LTBP2: variants seen among roughly 807,000 people sequenced by gnomAD.
The protein encoded by LTBP2 is latent transforming growth factor beta binding protein 2.
Under a neutral mutation model 210.6 loss-of-function variants are expected in LTBP2, and 103 were observed. The observed-to-expected ratio is 0.49, with a 90% CI of 0.42 to 0.58. LTBP2 has a LOEUF of 0.58. Among genes scored for constraint, LTBP2 ranks in the 20% least tolerant of loss-of-function variants. The probability of loss-of-function intolerance (pLI) is 0.00; values close to 1 mark genes in which losing one functional copy is unlikely to be tolerated. For missense variants in LTBP2, 2,313 were observed against 2,494.5 expected, an observed-to-expected ratio of 0.93 and a Z score of 1.55; for synonymous variants, 1,007 against 1,015.0, an observed-to-expected ratio of 0.99 and a Z score of 0.15.
chr14:74,589,913 T>C (rs1397135152), intron 2 of LTBP2, among the ~76,000 whole-genome samples: 1 of 152,032 alleles, frequency 6.6e-6, no homozygotes, highest in Non-Finnish European at 1.5e-5. Context: ...CACCTCTGAG[T>C]GTGTGGTCCT....
Position 74,526,260 on chromosome 14 carries a change from C to G in LTBP2, c.2389-146G>C, listed in dbSNP as rs573528758. The G allele has an allele frequency of 2.2e-5, 18 of 806,766 alleles. No individual in the cohort carries two copies. In the African/African-American group the frequency reaches 2.4e-4, roughly 11 times the overall value. The allele number at this position is 806,766 out of a possible 1,614,324, so 50.0% of individuals were successfully genotyped here. The stretch of plus-strand genomic sequence containing the variant: ...CATTCCAGGTATTGATGAGTTCTTA[C>G]TCTATGCTGGGCATTCTGCCAGGCA... On this transcript the variant is annotated intron_variant, in intron 13 of 35. Coordinates refer to ENST00000261978, the MANE Select transcript of LTBP2 (RefSeq NM_000428.3).
At chr14:74,587,238 T>A (rs2088219624) in intron 2 of LTBP2, among the ~76,000 whole-genome samples, 1 of 152,114 alleles carries the variant, frequency 6.6e-6, no homozygotes, top group African/African-American at 2.4e-5. Flanking sequence ...CATCCATCTG[T>A]CGCTCATTCA....
rs372058379 is a variant in LTBP2 at position 74,500,529 on chromosome 14, G to A, written c.*355C>T. The A allele has an allele frequency of 8.5e-4, 381 of 449,986 alleles. 7 individuals are homozygous for A. The highest frequency in any genetic ancestry group is 8.2e-3 in the South Asian group (374 of 45,410). The allele number at this position is 449,986 out of a possible 1,614,324, so 27.9% of individuals were successfully genotyped here. ...ATGATGGTGGATTGTGGCTGGAAAG[G>A]GGTGTCTGCAGTGTGAGGCCATGGG... On this transcript the variant is annotated 3_prime_UTR_variant, in exon 36 of 36. Coordinates refer to ENST00000261978, the MANE Select transcript of LTBP2 (RefSeq NM_000428.3).
In LTBP2 at chr14:74,503,248, T is replaced by C; in HGVS notation, c.4859A>G (p.Gln1620Arg). 1 of 1,614,096 alleles carries C rather than the reference T, an allele frequency of 6.2e-7. No individual in the cohort carries two copies. The highest frequency in any genetic ancestry group is 8.5e-7 in the Non-Finnish European group (1 of 1,180,048). ...CCQDGEAWSQQCALCPPRSSE... is the reference protein window; with the variant it reads ...CCQDGEAWSQRCALCPPRSSE... The stretch of plus-strand genomic sequence containing the variant: ...GCTCCTCGGGGGACACAGAGCACAC[T>C]GCTGGCTCCAGGCCTCGCCGTCCTG... Residue 1620 changes from glutamine (Q) to arginine (R), a missense_variant, in exon 33 of 36, where the codon CAG (glutamine) becomes CGG (arginine). Transcript: ENST00000261978.
chr14:74,612,090 G>T lies in LTBP2; in HGVS notation c.-146C>A. ...GGGGCCCTGAAGCGGCCGACTGGGGGCCCGGCTCTCGGCGGAACGAGGGCT... is the reference window on the plus strand; with the variant it reads ...GGGGCCCTGAAGCGGCCGACTGGGGTCCCGGCTCTCGGCGGAACGAGGGCT... On this transcript the variant is annotated 5_prime_UTR_variant, in exon 1 of 36. Transcript: ENST00000261978. 2.3e-6 allele frequency: 2 copies of T among 854,730 alleles called. No individual in the cohort carries two copies. Among genetic ancestry groups the T allele is most frequent in the Non-Finnish European group, 3.3e-6 (2 of 600,690 alleles). The allele number at this position is 854,730 out of a possible 1,614,324, so 52.9% of individuals were successfully genotyped here.
chr14:74,506,883 G>A (rs996123223), intron 26 of LTBP2, 60 bp from the exon 27 acceptor site: 32 of 1,597,970 alleles, frequency 2.0e-5, no homozygotes, highest in African/African-American at 9.4e-5. Flanking sequence ...GTGTGTGCGC[G>A]CGCGCGTGTG....
chr14:74,529,362 C>T (rs1293624767), intron 10 of LTBP2, among the ~76,000 whole-genome samples: 1 of 152,238 alleles, frequency 6.6e-6, no homozygotes, highest in African/African-American at 2.4e-5. Flanking sequence ...GACTCCCCAC[C>T]TGCATGTGGA....
At chr14:74,573,166 G>A (rs1204231698) in intron 3 of LTBP2, among the ~76,000 whole-genome samples, 19 of 152,130 alleles carry the variant, frequency 1.2e-4, no homozygotes, top group Admixed American at 9.8e-4. Flanking sequence ...ACTTGCCTAC[G>A]CTCACATGCC....
At chr14:74,553,782 A>C (rs903686823) in intron 4 of LTBP2, among the ~76,000 whole-genome samples, 1 of 152,134 alleles carries the variant, frequency 6.6e-6, no homozygotes, top group Non-Finnish European at 1.5e-5. Flanking sequence ...CTATTAATTC[A>C]GTACGGGGAG....
chr14:74,540,566 C>T (rs966212105), intron 8 of LTBP2, among the ~76,000 whole-genome samples: 3 of 150,654 alleles, frequency 2.0e-5, no homozygotes, highest in African/African-American at 7.3e-5. Flanking sequence ...GAGATCGAGA[C>T]CATCCTGGCT....
At position 74,611,850 on chromosome 14, in the gene LTBP2, G is replaced by A. The variant is rs1218765442; in HGVS notation, c.95C>T (p.Ala32Val). Reference protein sequence around the residue: ...LPLTLALFVGAGHAQRDPVGR... With the variant: ...LPLTLALFVGVGHAQRDPVGR... ...TACGGGGTCCCTTTGGGCATGACCC[G>A]CGCCCACGAAGAGAGCCAGGGTGAG... Residue 32 changes from alanine (A) to valine (V), a missense_variant, in exon 1 of 36, where the codon GCG becomes GTG. Physicochemically the swap from Ala to Val is moderately conservative, Grantham distance 64. Around this residue, in one of 3 missense-constraint regions of LTBP2, gnomAD observed 1,867 missense variants for 1,976.9 expected, o/e 0.94. Transcript: ENST00000261978. 9 of 1,611,026 alleles carry A rather than the reference G, an allele frequency of 5.6e-6. No individual in the cohort carries two copies. Among genetic ancestry groups the A allele is most frequent in the Non-Finnish European group, 6.8e-6 (8 of 1,179,566 alleles).
chr14:74,598,196 G>A (rs2088395575), intron 2 of LTBP2, among the ~76,000 whole-genome samples: 1 of 152,190 alleles, frequency 6.6e-6, no homozygotes, highest in Non-Finnish European at 1.5e-5. Context: ...TTCCACTTTG[G>A]GATGTGGTTG....
rs201557891 is a variant in LTBP2 at position 74,509,195 on chromosome 14, G to T, written c.3403+43C>A. ...TGGGCTTCACCATGGCCCTGACAGA[G>T]GGGGCATCCCATTTGTATCCTCTCC... is the stretch of plus-strand genomic sequence containing the variant. On this transcript the variant is annotated intron_variant, in intron 22 of 35. Transcript: ENST00000261978. The T allele has an allele frequency of 9.1e-4, 1,468 of 1,613,010 alleles. 12 individuals are homozygous for T. Among genetic ancestry groups the T allele is most frequent in the African/African-American group, 7.5e-3 (565 of 75,052 alleles).
chr14:74,514,467 C>G (rs1433010976), intron 18 of LTBP2, among the ~76,000 whole-genome samples: 2 of 152,220 alleles, frequency 1.3e-5, no homozygotes, highest in African/African-American at 2.4e-5. Context: ...TGTTGGTTCG[C>G]TGGGAGAATC....
chr14:74,544,105 C>T (rs1266924825), intron 8 of LTBP2, among the ~76,000 whole-genome samples: 1 of 152,220 alleles, frequency 6.6e-6, no homozygotes, highest in Non-Finnish European at 1.5e-5. Context: ...TTGGAAGAAG[C>T]TCTCAGAACA....
Position 74,507,298 on chromosome 14 carries a change from C to T in LTBP2, c.3788G>A (p.Cys1263Tyr), listed in dbSNP as rs931602663. 6.2e-7 allele frequency: 1 copy of T among 1,614,104 alleles called. No individual in the cohort carries two copies. ...ACACACCGGGTCTCCATAGTCCTCACACTCGTCAATATCTGTCCCCAGAGC... is the reference window on the plus strand; with the variant it reads ...ACACACCGGGTCTCCATAGTCCTCATACTCGTCAATATCTGTCCCCAGAGC... Reference protein sequence around the residue: ...ESGECVDIDECEDYGDPVCGT... With the variant: ...ESGECVDIDEYEDYGDPVCGT... The change falls in exon 26 of 36, where the codon TGT becomes TAT. Residue 1263 changes from cysteine (C) to tyrosine (Y), a missense_variant. By Grantham distance (194) the Cys-to-Tyr change is radical (BLOSUM62 -2). Transcript: ENST00000261978.
chr14:74,544,402 T>A (rs758112815), intron 8 of LTBP2, among the ~76,000 whole-genome samples: 1 of 152,186 alleles, frequency 6.6e-6, no homozygotes, highest in Non-Finnish European at 1.5e-5. Context: ...ATGGGGATAA[T>A]AGCACCCAAC....
chr14:74,512,133 A>ATG (rs1566617628), intron 18 of LTBP2, among the ~76,000 whole-genome samples: 3 of 151,656 alleles, frequency 2.0e-5, no homozygotes, highest in Non-Finnish European at 2.9e-5. Context: ...CTTCCCCGAC[A>ATG]TAACCTGGCA....
chr14:74,522,162 G>A, intron 16 of LTBP2, 123 bp from the exon 17 acceptor site: 1 of 1,173,050 alleles, frequency 8.5e-7, no homozygotes, highest in Non-Finnish European at 1.2e-6. Flanking sequence ...CAAGGAAGGG[G>A]TGAGGGAGTG....
Sources: allele counts gnomAD v4.1 joint callset (sites outside exome capture counted in the v4.1 genomes callset), GRCh38; gene constraint gnomAD v4.1.1; regional missense constraint gnomAD v4.1.1; transcripts MANE v1.5; gene names NCBI Gene and HGNC (gene_info 2026-07-23, HGNC 2026-07-21).